The following WDR36 variants were observed in gnomAD, a reference collection of about 807,000 sequenced individuals.
WDR36 encodes WD repeat-containing protein 36.
In WDR36, 63 loss-of-function variants were observed where a neutral mutation model predicts 112.7. The observed-to-expected ratio is 0.56, with a 90% CI of 0.46 to 0.69. The LOEUF is 0.69. Among genes scored for constraint, WDR36 ranks in the 30% least tolerant of loss-of-function variants. The pLI is 0.00. For synonymous variants in WDR36, 410 were observed against 362.2 expected, an observed-to-expected ratio of 1.13 and a Z score of -1.50; for missense variants, 1,226 against 1,070.3, an observed-to-expected ratio of 1.15 and a Z score of -2.03.
chr5:111,115,871 C>G (rs572467773), intron 16 of WDR36, among the ~76,000 whole-genome samples: 1 of 152,154 alleles, frequency 6.6e-6, no homozygotes, highest in Admixed American at 6.5e-5. Flanking sequence ...CTAAAATTAT[C>G]ATTCCTCTGC....
intron 16 of WDR36, among the ~76,000 whole-genome samples, chr5:111,116,239 G>A (rs1753452139): frequency 1.3e-5 from 2 of 151,894 alleles, no homozygotes; most frequent in South Asian, 2.1e-4. Flanking sequence ...ATGAGCCACG[G>A]TGCCCAGCCA....
At chr5:111,096,720 A>G (rs530164058) in intron 2 of WDR36, among the ~76,000 whole-genome samples, 39 of 152,124 alleles carry the variant, frequency 2.6e-4, no homozygotes, top group Non-Finnish European at 4.9e-4. Context: ...AAAAGAAAAA[A>G]AAAAAGATGT....
At chr5:111,119,638 A>G (rs1402334240) in intron 17 of WDR36, among the ~76,000 whole-genome samples, 2 of 152,150 alleles carry the variant, frequency 1.3e-5, no homozygotes, top group South Asian at 2.1e-4. Context: ...TAAATAGAAC[A>G]TCACCTGGGT....
intron 16 of WDR36, 39 bp from the exon 17 acceptor site, chr5:111,118,974 A>G (rs759694989): frequency 6.6e-7 from 1 of 1,505,826 alleles, no homozygotes; most frequent in South Asian, 1.1e-5. Context: ...CCTTTTTGGT[A>G]GAGTTCAAAT....
At chr5:111,107,182 C>G in intron 11 of WDR36, 112 bp from the exon 12 acceptor site, 1 of 1,204,608 alleles carries the variant, frequency 8.3e-7, no homozygotes, top group Non-Finnish European at 1.2e-6. Flanking sequence ...CAGATATTAC[C>G]TGTTTGTTTT....
intron 11 of WDR36, 134 bp from the exon 12 acceptor site, chr5:111,107,160 A>T: frequency 1.0e-6 from 1 of 990,252 alleles, no homozygotes; most frequent in South Asian, 1.6e-5. Flanking sequence ...TAGATTGGAA[A>T]CATATTGCTA....
At chr5:111,104,507 A>G (rs1753185664) in intron 8 of WDR36, among the ~76,000 whole-genome samples, 155 bp downstream of exon 8, 1 of 151,712 alleles carries the variant, frequency 6.6e-6, no homozygotes, top group African/African-American at 2.4e-5. Context: ...AGCAGGTGAC[A>G]TGATTGCAGT....
At chr5:111,097,201 GT>G (rs1452983165) in intron 3 of WDR36, 22 bp downstream of exon 3, 2 of 1,550,672 alleles carry the variant, frequency 1.3e-6, no homozygotes, top group Non-Finnish European at 1.8e-6. Flanking sequence ...TAAACTACTT[GT>G]TTGTCAGTCA....
intron 5 of WDR36, among the ~76,000 whole-genome samples, chr5:111,101,381 AT>A (rs964843675): frequency 2.6e-5 from 4 of 151,898 alleles, no homozygotes; most frequent in African/African-American, 7.2e-5. Context: ...GGAGCTTCTG[AT>A]TTTCCATACA....
At chr5:111,106,448 G>A (rs1753223482) in intron 11 of WDR36, among the ~76,000 whole-genome samples, 1 of 151,406 alleles carries the variant, frequency 6.6e-6, no homozygotes, top group South Asian at 2.1e-4. Flanking sequence ...AAAAGAACTG[G>A]AACAGCAGAG....
chr5:111,125,681 T>C lies in WDR36; in HGVS notation c.2424T>C (p.Pro808=). 1 of 1,613,908 alleles carries C rather than the reference T, an allele frequency of 6.2e-7. No homozygotes were observed. The highest frequency in any genetic ancestry group is 1.3e-5 in the African/African-American group (1 of 75,038). ...GIETELRSLS[P]DCGGSIEVMQ... is the part of the protein sequence containing the mutation. ...AAACAGAGCTGCGAAGCTTGTCTCC[T>C]GATTGTGGTGGGTCCATAGAAGTTA... Residue 808 remains proline (P), a synonymous_variant, in exon 22 of 23, where the codon CCT becomes CCC. Transcript: ENST00000513710.
chr5:111,122,291 T>C (rs1256049726), intron 19 of WDR36, among the ~76,000 whole-genome samples: 1 of 152,202 alleles, frequency 6.6e-6, no homozygotes, highest in Non-Finnish European at 1.5e-5. Flanking sequence ...AGCAGAGTTT[T>C]GGGGCTACTG....
chr5:111,125,594 A>C lies in WDR36; in HGVS notation c.2351-14A>C, dbSNP rs1240500838. 2 of 1,610,712 alleles carry C rather than the reference A, an allele frequency of 1.2e-6. No individual in the cohort carries two copies. The highest frequency in any genetic ancestry group is 4.5e-5 in the East Asian group (2 of 44,648). On this transcript the variant is annotated splice_polypyrimidine_tract_variant and intron_variant, in intron 21 of 22. Transcript: ENST00000513710. ...ATTATAATCAAGTCATAACTGGATT[A>C]AAATTTAATGCAGATGACACTGCTC... is the stretch of plus-strand genomic sequence containing the variant.
chr5:111,103,706 C>A (rs752570833), intron 6 of WDR36, 80 bp from the exon 7 acceptor site: 188 of 1,544,972 alleles, frequency 1.2e-4, no homozygotes, highest in Non-Finnish European at 1.6e-4. Context: ...TTTGATAACA[C>A]CTAATAATGA....
chr5:111,112,495 A>G (rs146482780), intron 15 of WDR36, among the ~76,000 whole-genome samples: 2 of 152,028 alleles, frequency 1.3e-5, no homozygotes, highest in Non-Finnish European at 2.9e-5. Flanking sequence ...TGTAAACTTT[A>G]AAGTTTTTCC....
In WDR36 at chr5:111,103,938, T is replaced by C. The variant is rs764794299; in HGVS notation, c.730+20T>C. On this transcript the variant is annotated intron_variant, in intron 7 of 22. Transcript: ENST00000513710. Reference sequence around the variant, plus strand: ...GCACAGGTAACTTTTAACATACTTATTGATAGGAGTTAAGAACACTTAAAA... The same window carrying C: ...GCACAGGTAACTTTTAACATACTTACTGATAGGAGTTAAGAACACTTAAAA... 17 of 1,609,730 alleles carry C rather than the reference T, an allele frequency of 1.1e-5. No individual in the cohort carries two copies. The highest frequency in any genetic ancestry group is 1.3e-5 in the Non-Finnish European group (15 of 1,177,702).
intron 13 of WDR36, 28 bp from the exon 14 acceptor site, chr5:111,110,760 T>C (rs769519991): frequency 1.4e-5 from 23 of 1,604,280 alleles, no homozygotes; most frequent in Non-Finnish European, 1.6e-5. Flanking sequence ...ATTCTGATTT[T>C]TTTTTTCTTT....
chr5:111,101,564 T>G (rs896528589), intron 5 of WDR36, among the ~76,000 whole-genome samples: 2 of 151,914 alleles, frequency 1.3e-5, no homozygotes, highest in African/African-American at 4.8e-5. Flanking sequence ...TTTTGAATAC[T>G]TCTATCCATT....
intron 5 of WDR36, among the ~76,000 whole-genome samples, chr5:111,101,249 A>G (rs1162763576): frequency 6.6e-6 from 1 of 152,066 alleles, no homozygotes. Flanking sequence ...AGACAGCTTC[A>G]TAAATGCTCA....
Sources: gnomAD v4.1 joint callset for allele counts (sites outside exome capture counted in the v4.1 genomes callset) on GRCh38, gnomAD v4.1.1 for gene constraint, MANE v1.5 for transcripts, NCBI Gene and HGNC (gene_info 2026-07-23, HGNC 2026-07-21) for gene names.